The following PNPLA1 variants were observed in gnomAD, a reference collection of about 807,000 sequenced individuals.
PNPLA1 encodes the protein omega-hydroxyceramide transacylase.
Under a neutral mutation model 51.7 loss-of-function variants are expected in PNPLA1, and 36 were observed. The observed-to-expected ratio is 0.70, with a 90% confidence interval of 0.53 to 0.92. The LOEUF (loss-of-function observed/expected upper bound fraction) is 0.92, where lower values mean the gene tolerates loss of function less well. Ranked by LOEUF, PNPLA1 falls within the 40% of genes least tolerant of loss-of-function variation. The probability of loss-of-function intolerance (pLI) is 0.00; values close to 1 mark genes in which losing one functional copy is unlikely to be tolerated. For synonymous variants in PNPLA1, 293 were observed against 280.1 expected, an observed-to-expected ratio of 1.05 and a Z score of -0.46; for missense variants, 658 against 682.5, an observed-to-expected ratio of 0.96 and a Z score of 0.40.
chr6:36,291,538 G>T lies in PNPLA1; in HGVS notation c.424G>T (p.Glu142Ter). The T allele has an allele frequency of 6.8e-7, 1 of 1,471,910 alleles. No homozygotes were observed. 91.2% of individuals were successfully genotyped at this position (1,471,910 alleles called of 1,614,324 possible). A position where few individuals can be genotyped will look rare whatever the true frequency, so the allele number is the denominator to read the frequency against. Residue 142 changes from glutamate to a stop codon, truncating the protein, a stop_gained, in exon 2 of 9, where the codon GAG (glutamate) becomes TAG (stop). Transcript: ENST00000636260. LOFTEE classifies it high-confidence loss of function. ...GGTGGTTTCAGAGTTCACGTCCAAG[G>T]AGGAGCTCATTGAGGCAAGGGGGCT... ...NVVVSEFTSK[E>*]ELIEALYCSC... is the part of the protein sequence containing the mutation.
At chr6:36,281,503 A>C (rs779250499) in intron 1 of PNPLA1, among the ~76,000 whole-genome samples, 23 of 152,204 alleles carry the variant, frequency 1.5e-4, no homozygotes, top group Non-Finnish European at 3.2e-4. Context: ...AACCCTATGA[A>C]GCAGACACTA....
chr6:36,256,447 A>T (rs1374261848), intron 1 of PNPLA1, among the ~76,000 whole-genome samples: 7 of 151,778 alleles, frequency 4.6e-5, no homozygotes, highest in Non-Finnish European at 8.8e-5. Context: ...CCATATATAT[A>T]TATTTATTTA....
intron 5 of PNPLA1, among the ~76,000 whole-genome samples, chr6:36,298,095 C>A (rs1295915451): frequency 6.6e-6 from 1 of 152,152 alleles, no homozygotes; most frequent in Non-Finnish European, 1.5e-5. Context: ...CATAATTATT[C>A]TGAGATTCAT....
chr6:36,274,397 T>C (rs779926774), intron 1 of PNPLA1, among the ~76,000 whole-genome samples: 39 of 151,990 alleles, frequency 2.6e-4, no homozygotes, highest in African/African-American at 4.6e-4. Flanking sequence ...CTGACGTGGG[T>C]AAGGGAATGA....
rs746090498 is a variant in PNPLA1, at chr6:36,291,487, A to T, written c.373A>T (p.Thr125Ser). The T allele has an allele frequency of 5.3e-6, 8 of 1,495,788 alleles. No individual in the cohort carries two copies. The highest frequency in any genetic ancestry group is 7.2e-6 in the Non-Finnish European group (8 of 1,108,110). 92.7% of individuals were successfully genotyped at this position (1,495,788 alleles called of 1,614,324 possible). A position where few individuals can be genotyped will look rare whatever the true frequency, so the allele number is the denominator to read the frequency against. Residue 125 changes from threonine (T) to serine (S), a missense_variant, in exon 2 of 9, where the codon ACC becomes TCC. Transcript: ENST00000636260. ...CACGGGGAAGCTCCATGTGAGCCTC[A>T]CCCGCTTAACGGACGGGGAGAATGT... ...VTTGKLHVSL[T>S]RLTDGENVVV... is the part of the protein sequence containing the mutation.
intron 1 of PNPLA1, among the ~76,000 whole-genome samples, chr6:36,278,167 G>C (rs553868690): frequency 1.1e-4 from 17 of 152,198 alleles, no homozygotes; most frequent in African/African-American, 4.1e-4. Context: ...ATTTGATGTT[G>C]TACGGTCTTA....
chr6:36,299,941 C>T (rs142662369), intron 5 of PNPLA1, among the ~76,000 whole-genome samples: 1 of 152,202 alleles, frequency 6.6e-6, no homozygotes, highest in African/African-American at 2.4e-5. Context: ...CAGAATGATA[C>T]ATATATAACA....
At chr6:36,282,249 G>GGAAAGAAAGAAA (rs61365486) in intron 1 of PNPLA1, among the ~76,000 whole-genome samples, 17 of 112,048 alleles carry the variant, frequency 1.5e-4, no homozygotes, top group African/African-American at 5.9e-4. Flanking sequence ...AAAGAAAGAA[G>GGAAAGAAAGAAA]GAAAGAAAGA....
At chr6:36,256,374 C>T (rs760435853) in intron 1 of PNPLA1, among the ~76,000 whole-genome samples, 5 of 151,858 alleles carry the variant, frequency 3.3e-5, no homozygotes, top group Non-Finnish European at 7.4e-5. Flanking sequence ...TTGGGTTAAA[C>T]AAATTAAGCC....
chr6:36,270,547 G>A lies in PNPLA1; in HGVS notation c.88G>A (p.Gly30Arg). ...GSGFLSFYQAGAVDALRDLAP... is the reference protein window; with the variant it reads ...GSGFLSFYQARAVDALRDLAP... ...TGGATTCCTCTCCTTCTACCAGGCG[G>A]GGGCTGTGGACGCCCTGCGGGACCT... The change falls in exon 1 of 9, where the codon GGG becomes AGG. Residue 30 changes from glycine to arginine, a missense_variant. Physicochemically the swap from Gly to Arg is moderately radical, Grantham distance 125 (BLOSUM62 -2). Coordinates refer to ENST00000636260, the MANE Select transcript of PNPLA1 (RefSeq NM_001374623.1). 1 of 1,551,630 alleles carries A rather than the reference G, an allele frequency of 6.4e-7. No individual in the cohort carries two copies. Among genetic ancestry groups the A allele is most frequent in the Non-Finnish European group, 8.7e-7 (1 of 1,147,008 alleles).
intron 1 of PNPLA1, among the ~76,000 whole-genome samples, chr6:36,257,442 C>A (rs971201162): frequency 2.0e-5 from 3 of 152,242 alleles, no homozygotes; most frequent in African/African-American, 7.2e-5. Flanking sequence ...TGGCACAGCA[C>A]ATAGGCCTTG....
At chr6:36,286,971 C>T (rs981661520) in intron 1 of PNPLA1, among the ~76,000 whole-genome samples, 1 of 152,052 alleles carries the variant, frequency 6.6e-6, no homozygotes, top group Non-Finnish European at 1.5e-5. Flanking sequence ...CAGGCATGAA[C>T]CACCACACCC....
chr6:36,255,165 G>A (rs1189761567), intron 1 of PNPLA1, among the ~76,000 whole-genome samples: 2 of 152,084 alleles, frequency 1.3e-5, no homozygotes, highest in African/African-American at 4.8e-5. Context: ...TCAGGAGTTC[G>A]AGACCAGCCT....
intron 2 of PNPLA1, among the ~76,000 whole-genome samples, chr6:36,292,173 C>G (rs1487694055): frequency 6.6e-6 from 1 of 152,120 alleles, no homozygotes. Flanking sequence ...TCCCACATCT[C>G]CACTCTCCTT....
At chr6:36,283,417 A>C (rs2127336441) in intron 1 of PNPLA1, among the ~76,000 whole-genome samples, 1 of 152,306 alleles carries the variant, frequency 6.6e-6, no homozygotes. Flanking sequence ...AAACCTCCAG[A>C]CTTTTTTTGG....
At chr6:36,284,512 T>TACCC (rs1770416870) in intron 1 of PNPLA1, among the ~76,000 whole-genome samples, 2 of 151,926 alleles carry the variant, frequency 1.3e-5, no homozygotes, top group South Asian at 4.2e-4. Context: ...GTCCTTCCTT[T>TACCC]ATCCATCCAT....
upstream of PNPLA1, among the ~76,000 whole-genome samples, chr6:36,265,489 T>C (rs1769741655): frequency 6.6e-6 from 1 of 152,224 alleles, no homozygotes; most frequent in Non-Finnish European, 1.5e-5. Flanking sequence ...TTTTCAGAAT[T>C]TTCATGAATC....
At chr6:36,244,002 G>A (rs1318965981) in intron 1 of PNPLA1, among the ~76,000 whole-genome samples, 1 of 152,156 alleles carries the variant, frequency 6.6e-6, no homozygotes, top group African/African-American at 2.4e-5. Context: ...CACAGATTGA[G>A]CCCCAGAGAG....
intron 6 of PNPLA1, among the ~76,000 whole-genome samples, chr6:36,304,238 C>T (rs774848849): frequency 5.3e-5 from 8 of 152,106 alleles, no homozygotes; most frequent in Non-Finnish European, 8.8e-5. Flanking sequence ...TTATGGTAAA[C>T]GTCACAGATC....
Sources: gnomAD v4.1 joint callset for allele counts (sites outside exome capture counted in the v4.1 genomes callset) on GRCh38, gnomAD v4.1.1 for gene constraint, MANE v1.5 for transcripts, NCBI Gene and HGNC (gene_info 2026-07-23, HGNC 2026-07-21) for gene names.